Variants in DMD observed in about 807,000 individuals in gnomAD.
DMD encodes the protein mutant dystrophin.
Under a neutral mutation model 330.1 loss-of-function variants are expected in DMD, and 63 were observed. That is an observed-to-expected ratio of 0.19 (90% CI 0.16 to 0.24). DMD has a LOEUF of 0.24. Ranked by LOEUF, DMD falls within the 10% of genes least tolerant of loss-of-function variation. DMD has a pLI of 1.00. For synonymous variants in DMD, 1,223 were observed against 959.8 expected, an observed-to-expected ratio of 1.27 and a Z score of -5.07; for missense variants, 3,344 against 2,684.1, an observed-to-expected ratio of 1.25 and a Z score of -5.43.
chrX:32,758,601 C>T (rs1206363867), intron 7 of DMD, among the ~76,000 whole-genome samples: 1 of 111,491 alleles, frequency 9.0e-6, no homozygotes, highest in Admixed American at 9.6e-5. Flanking sequence ...ATGTAACAAG[C>T]CCCTTAACTG....
At chrX:32,231,050 G>A (rs141526838) in intron 43 of DMD, among the ~76,000 whole-genome samples, 1,318 of 111,833 alleles carry the variant, frequency 0.012, 19 homozygotes, top group African/African-American at 0.041. Context: ...TAGTCTTCTT[G>A]CCCTTTAAGG....
intron 6 of DMD, among the ~76,000 whole-genome samples, chrX:32,814,982 A>G (rs1393832141): frequency 1.8e-5 from 2 of 111,714 alleles, no homozygotes; most frequent in Admixed American, 9.5e-5. Context: ...GACTTAAAAC[A>G]CAGACAGAAT....
rs1011827371 is a variant in DMD, at chrX:31,342,867, C to T, written c.9163+5689G>A. On this transcript the variant is annotated intron_variant, in intron 61 of 78. Transcript: ENST00000357033. ...TCTCAGCTCACTGCAACCTCCACCTCCAGGGTTCAAGCCATTCTCCTGCCT... is the reference window on the plus strand; with the variant it reads ...TCTCAGCTCACTGCAACCTCCACCTTCAGGGTTCAAGCCATTCTCCTGCCT... 2.7e-5 allele frequency among the ~76,000 whole-genome samples: 3 copies of T among 112,071 alleles called. No homozygotes were observed. The Admixed American group carries it at 2.8e-4, about 11-fold the overall frequency.
In DMD at chrX:32,774,869, C is replaced by T. The variant is rs190355226; in HGVS notation, c.649+34624G>A. On this transcript the variant is annotated intron_variant, in intron 7 of 78. Transcript: ENST00000357033. ...AGTCTCGCAAAGTCTTAACTCATTT[C>T]GGCATTAAGTCAAAATTCCAAGTCC... 2.5e-4 allele frequency among the ~76,000 whole-genome samples: 28 copies of T among 111,824 alleles called. No individual in the cohort carries two copies. In the South Asian group the frequency reaches 5.7e-3, roughly 23 times the overall value.
At chrX:33,076,569 C>A (rs137932807) in intron 1 of DMD, among the ~76,000 whole-genome samples, 1,455 of 111,094 alleles carry the variant, frequency 0.013, 33 homozygotes, top group African/African-American at 0.046. Flanking sequence ...CTGAGAAATT[C>A]CTGAAAAACA....
intron 1 of DMD, among the ~76,000 whole-genome samples, chrX:33,064,336 GA>G (rs1173801841): frequency 9.4e-6 from 1 of 106,729 alleles, no homozygotes; most frequent in Admixed American, 1.0e-4. Context: ...TTTCTAAAAG[GA>G]AAAAAAAACA....
intron 1 of DMD, among the ~76,000 whole-genome samples, chrX:33,057,905 G>A (rs1182428522): frequency 1.8e-5 from 2 of 111,738 alleles, no homozygotes; most frequent in Non-Finnish European, 3.8e-5. Context: ...TTGAGACAAA[G>A]TCTCGCTCTG....
intron 1 of DMD, among the ~76,000 whole-genome samples, chrX:33,141,078 A>C (rs2047773380): frequency 8.9e-6 from 1 of 111,953 alleles, no homozygotes; most frequent in African/African-American, 3.2e-5. Flanking sequence ...CTAAAATGTA[A>C]GTAGTTCTTT....
intron 1 of DMD, among the ~76,000 whole-genome samples, chrX:33,140,691 C>T (rs2047751112): frequency 8.9e-6 from 1 of 112,253 alleles, no homozygotes; most frequent in Non-Finnish European, 1.9e-5. Flanking sequence ...TAGGGATAAA[C>T]ACCCAGGACT....
chrX:32,686,559 C>CAAAAAAAAAAAAAAAAAAAAAAAAAAA (rs750534167), intron 9 of DMD, among the ~76,000 whole-genome samples: 3 of 28,585 alleles, frequency 1.0e-4, no homozygotes, highest in African/African-American at 4.0e-4. Flanking sequence ...AACTCCATCT[C>CAAAAAAAAAAAAAAAAAAAAAAAAAAA]AAAAAAAAAA....
chrX:32,539,475 T>G (rs2048299382), intron 17 of DMD, among the ~76,000 whole-genome samples: 2 of 110,144 alleles, frequency 1.8e-5, no homozygotes, highest in Admixed American at 2.0e-4. Flanking sequence ...TTACTGAGTT[T>G]AACATCCCAG....
chrX:31,126,157 A>G (rs192371451), intron 78 of DMD, among the ~76,000 whole-genome samples: 18 of 112,239 alleles, frequency 1.6e-4, no homozygotes, highest in Non-Finnish European at 3.4e-4. Flanking sequence ...AATGTTCGCT[A>G]AAATGGGAGA....
At chrX:33,020,579 CAG>C (rs2093895031) in intron 1 of DMD, among the ~76,000 whole-genome samples, 1 of 111,365 alleles carries the variant, frequency 9.0e-6, no homozygotes, top group Non-Finnish European at 1.9e-5. Flanking sequence ...GAGGCTGAGG[CAG>C]GAGAATCATT....
intron 74 of DMD, among the ~76,000 whole-genome samples, chrX:31,164,838 C>T (rs2039246190): frequency 1.8e-5 from 2 of 111,400 alleles, no homozygotes; most frequent in South Asian, 3.8e-4. Context: ...CCACACCCTT[C>T]CCGACCTGCC....
At chrX:33,163,807 C>A (rs1030630659) in intron 1 of DMD, among the ~76,000 whole-genome samples, 2 of 109,647 alleles carry the variant, frequency 1.8e-5, no homozygotes, top group Admixed American at 2.0e-4. Flanking sequence ...ACATGTAAGT[C>A]AACCCACTCA....
rs954042441 is a variant in DMD, at chrX:32,043,126, A to G, written c.6439-74612T>C. Among the ~76,000 whole-genome samples the G allele has an allele frequency of 2.2e-4, 25 of 111,860 alleles. 1 individual carries two copies. The highest frequency in any genetic ancestry group is 8.1e-4 in the African/African-American group (25 of 30,809). On this transcript the variant is annotated intron_variant, in intron 44 of 78. Coordinates refer to ENST00000357033, the MANE Select transcript of DMD (RefSeq NM_004006.3). The stretch of plus-strand genomic sequence containing the variant: ...TTAAAACCTCTCTTGTACCCCATCA[A>G]TATATACACCTTCCTCATGTACCCC...
At chrX:31,458,059 T>C (rs2066296738) in intron 59 of DMD, among the ~76,000 whole-genome samples, 1 of 111,934 alleles carries the variant, frequency 8.9e-6, no homozygotes, top group Admixed American at 9.6e-5. Context: ...GATGTTCAAC[T>C]ACTTAAAGTC....
intron 1 of DMD, among the ~76,000 whole-genome samples, chrX:33,306,102 G>T (rs776818951): frequency 9.0e-6 from 1 of 111,634 alleles, no homozygotes; most frequent in East Asian, 2.8e-4. Flanking sequence ...TTAGCTGTAA[G>T]GCATGACATG....
At chrX:32,678,427 A>T (rs2147281493) in intron 9 of DMD, among the ~76,000 whole-genome samples, 1 of 111,816 alleles carries the variant, frequency 8.9e-6, no homozygotes, top group African/African-American at 3.2e-5. Context: ...ACCTTAAGTC[A>T]CACATTTAGT....
Sources: allele counts gnomAD v4.1 joint callset (sites outside exome capture counted in the v4.1 genomes callset), GRCh38; gene constraint gnomAD v4.1.1; transcripts MANE v1.5; gene names NCBI Gene and HGNC (gene_info 2026-07-23, HGNC 2026-07-21).